SGCZ: variants seen among roughly 807,000 people sequenced by gnomAD.
SGCZ encodes zeta-sarcoglycan.
A neutral mutation model predicts 41.3 loss-of-function variants in SGCZ; 40 were observed. That is an observed-to-expected ratio of 0.97 (90% confidence interval 0.75 to 1.26). The LOEUF is 1.26. Ranked by LOEUF, SGCZ falls within the 50% of genes most tolerant of loss-of-function variation. The pLI is 0.00. For missense variants in SGCZ, 552 were observed against 369.8 expected, an observed-to-expected ratio of 1.49 and a Z score of -4.04; for synonymous variants, 206 against 137.5, an observed-to-expected ratio of 1.50 and a Z score of -3.49.
chr8:14,398,401 G>T (rs73664344), intron 2 of SGCZ, among the ~76,000 whole-genome samples: 1 of 152,054 alleles, frequency 6.6e-6, no homozygotes, highest in Non-Finnish European at 1.5e-5. Flanking sequence ...TGTGAACTCC[G>T]TAAGGTTCTT....
chr8:14,834,728 C>T (rs148940872), intron 1 of SGCZ, among the ~76,000 whole-genome samples: 1 of 152,134 alleles, frequency 6.6e-6, no homozygotes, highest in Non-Finnish European at 1.5e-5. Context: ...AAGTCAGAAA[C>T]AAACAGAGGG....
intron 1 of SGCZ, among the ~76,000 whole-genome samples, chr8:15,166,491 G>A (rs535686629): frequency 1.3e-5 from 2 of 151,968 alleles, no homozygotes; most frequent in South Asian, 2.1e-4. Context: ...CTCATGATCC[G>A]CCCGCCTTGG....
At chr8:14,479,409 G>A (rs1161614433) in intron 2 of SGCZ, among the ~76,000 whole-genome samples, 1 of 152,102 alleles carries the variant, frequency 6.6e-6, no homozygotes, top group African/African-American at 2.4e-5. Flanking sequence ...CTGATTAGAT[G>A]GTGCTCACTT....
intron 1 of SGCZ, among the ~76,000 whole-genome samples, chr8:14,567,606 C>A (rs1804412769): frequency 6.6e-6 from 1 of 152,136 alleles, no homozygotes; most frequent in Non-Finnish European, 1.5e-5. Context: ...GCTGCCTAAG[C>A]CAGCAGTGGC....
chr8:14,686,900 T>C (rs1177538148), intron 1 of SGCZ, among the ~76,000 whole-genome samples: 1 of 151,932 alleles, frequency 6.6e-6, no homozygotes, highest in Non-Finnish European at 1.5e-5. Context: ...AAACCATCAT[T>C]AACATTTTCA....
intron 1 of SGCZ, among the ~76,000 whole-genome samples, chr8:14,668,375 C>T (rs17120008): frequency 0.049 from 7,459 of 152,234 alleles, 304 homozygotes; most frequent in African/African-American, 0.11. Context: ...TGACTTTATA[C>T]TCCACTTCAT....
intron 2 of SGCZ, among the ~76,000 whole-genome samples, chr8:14,365,096 T>A (rs997460859): frequency 1.3e-5 from 2 of 152,070 alleles, no homozygotes; most frequent in Non-Finnish European, 2.9e-5. Flanking sequence ...GTAAACAGCA[T>A]GCCCTTTTCA....
rs145343268 is a variant in SGCZ at position 14,452,298 on chromosome 8, G to C, written c.234+102434C>G. Among the ~76,000 whole-genome samples the C allele has an allele frequency of 1.8e-3, 269 of 152,186 alleles. 2 individuals are homozygous for C. The highest frequency in any genetic ancestry group is 6.0e-3 in the African/African-American group (248 of 41,524). On this transcript the variant is annotated intron_variant, in intron 2 of 7. Coordinates refer to ENST00000382080, the MANE Select transcript of SGCZ (RefSeq NM_139167.4). ...AAGTAAGATTAGTCACTGTCGGGGGGTGAGGGGAGGGACGAATTAACAGGA... is the reference window on the plus strand; with the variant it reads ...AAGTAAGATTAGTCACTGTCGGGGGCTGAGGGGAGGGACGAATTAACAGGA...
intron 2 of SGCZ, among the ~76,000 whole-genome samples, chr8:14,348,796 T>G (rs566437149): frequency 1.3e-5 from 2 of 152,274 alleles, no homozygotes; most frequent in African/African-American, 4.8e-5. Flanking sequence ...TACAAAAGGT[T>G]AAAGTACTGC....
intron 1 of SGCZ, among the ~76,000 whole-genome samples, chr8:15,170,009 A>G (rs13251038): frequency 6.6e-6 from 1 of 152,230 alleles, no homozygotes; most frequent in African/African-American, 2.4e-5. Flanking sequence ...TGTGGCCAGG[A>G]AAAAGGACAT....
chr8:14,232,383 C>T (rs771491996), intron 4 of SGCZ, among the ~76,000 whole-genome samples: 2 of 151,890 alleles, frequency 1.3e-5, no homozygotes, highest in Non-Finnish European at 2.9e-5. Context: ...ATGTTAATTG[C>T]TCAAAGTGTA....
At position 14,847,591 on chromosome 8, in the gene SGCZ, CAG is replaced by C. The variant is rs371380205; in HGVS notation, c.40-292667_40-292666del. On this transcript the variant is annotated intron_variant, in intron 1 of 7. Coordinates refer to ENST00000382080, the MANE Select transcript of SGCZ (RefSeq NM_139167.4). Reference sequence around the variant, plus strand: ...AATGTCTTTTTCTATTAAAAATTATCAGAAAGTAGGAAAAGAAAGGAAATAAC... The same window carrying C: ...AATGTCTTTTTCTATTAAAAATTATCAAAGTAGGAAAAGAAAGGAAATAAC... Among the ~76,000 whole-genome samples the C allele has an allele frequency of 1.3e-3, 190 of 143,662 alleles. 2 individuals are homozygous for C. The South Asian group carries it at 0.019, about 14-fold the overall frequency. 94.2% of individuals were successfully genotyped at this position (143,662 alleles called of 152,430 possible).
chr8:14,342,569 C>T (rs1245322757), intron 2 of SGCZ, among the ~76,000 whole-genome samples: 14 of 152,150 alleles, frequency 9.2e-5, no homozygotes, highest in Admixed American at 9.2e-4. Context: ...CCTGCCTTAG[C>T]TTCCCAAAGT....
At position 14,087,956 on chromosome 8, in the gene SGCZ, TA is replaced by T. The variant is rs534130718; in HGVS notation, c.*2486del. Among the ~76,000 whole-genome samples, 568 of 151,934 alleles carry T rather than the reference TA, an allele frequency of 3.7e-3. 7 individuals carry two copies. The highest frequency in any genetic ancestry group is 3.5e-3 in the Non-Finnish European group (236 of 67,808). On this transcript the variant is annotated 3_prime_UTR_variant, in exon 8 of 8. Transcript: ENST00000382080. The stretch of plus-strand genomic sequence containing the variant: ...TTTGTTATATCATCTGGATACAGTC[TA>T]AAGCTCTCAAGCTTGTAAGTTACTT...
At chr8:14,770,762 T>C (rs962138305) in intron 1 of SGCZ, among the ~76,000 whole-genome samples, 2 of 152,092 alleles carry the variant, frequency 1.3e-5, no homozygotes, top group Non-Finnish European at 2.9e-5. Flanking sequence ...AACCCTGTGA[T>C]TGAGACAAAC....
intron 1 of SGCZ, among the ~76,000 whole-genome samples, chr8:14,918,933 G>A (rs1041256567): frequency 2.6e-5 from 4 of 152,104 alleles, no homozygotes; most frequent in Admixed American, 1.3e-4. Flanking sequence ...CATATGTTTT[G>A]GTTAACAGCA....
At chr8:14,961,104 C>T (rs985350460) in intron 1 of SGCZ, among the ~76,000 whole-genome samples, 1 of 152,134 alleles carries the variant, frequency 6.6e-6, no homozygotes, top group Non-Finnish European at 1.5e-5. Flanking sequence ...ATCAATGCAT[C>T]AGTGGGGCCT....
chr8:14,519,900 G>C (rs549469063), intron 2 of SGCZ, among the ~76,000 whole-genome samples: 6 of 152,228 alleles, frequency 3.9e-5, no homozygotes, highest in African/African-American at 7.2e-5. Flanking sequence ...ACCTCTGGTA[G>C]AGTGGTTATG....
At chr8:14,210,004 A>AGAGT (rs58852524) in intron 4 of SGCZ, among the ~76,000 whole-genome samples, 114,853 of 151,812 alleles carry the variant, frequency 0.76, 44,543 homozygotes, top group African/African-American at 0.92. Context: ...TAAAGCCTTC[A>AGAGT]GATTCTTATG....
Sources: gnomAD v4.1 joint callset for allele counts (sites outside exome capture counted in the v4.1 genomes callset) on GRCh38, gnomAD v4.1.1 for gene constraint, MANE v1.5 for transcripts, NCBI Gene and HGNC (gene_info 2026-07-23, HGNC 2026-07-21) for gene names.